The following PLA2G4F variants were observed in gnomAD, a reference collection of about 807,000 sequenced individuals.
PLA2G4F encodes cytosolic phospholipase A2 zeta.
In PLA2G4F, 105 loss-of-function variants were observed where a neutral mutation model predicts 103.1. That is an observed-to-expected ratio of 1.02 (90% confidence interval 0.87 to 1.20). PLA2G4F has a LOEUF of 1.20. Among genes scored for constraint, PLA2G4F ranks in the 50% most tolerant of loss-of-function variants. The pLI, the probability that PLA2G4F is intolerant of heterozygous loss-of-function variation, is 0.00. For synonymous variants in PLA2G4F, 468 were observed against 441.1 expected (o/e 1.06, Z -0.76); for missense variants, 1,155 against 1,075.9 (o/e 1.07, Z -1.03).
chr15:42,144,217 T>C (rs930185462), intron 17 of PLA2G4F, 73 bp from the exon 18 acceptor site: 42 of 1,508,796 alleles, frequency 2.8e-5, no homozygotes, highest in Non-Finnish European at 3.6e-5. Flanking sequence ...TGTATTTGCA[T>C]TCACGTTTGC....
In PLA2G4F at chr15:42,144,105, A is replaced by C. The variant is rs376799222; in HGVS notation, c.2015T>G (p.Met672Arg). 1 of 1,613,804 alleles carries C rather than the reference A, an allele frequency of 6.2e-7. No homozygotes were observed. Among genetic ancestry groups the C allele is most frequent in the Non-Finnish European group, 8.5e-7 (1 of 1,179,898 alleles). Residue 672 changes from methionine to arginine, a missense_variant, in exon 18 of 20, where the codon ATG becomes AGG. Physicochemically the swap from Met to Arg is moderately conservative, Grantham distance 91. This residue lies in a region of PLA2G4F where 782 missense variants were observed against 692.9 expected (regional missense o/e 1.13). Coordinates refer to ENST00000397272, the MANE Select transcript of PLA2G4F (RefSeq NM_213600.4). ...GTCCACCAGGTACAGGCAGTCCCGC[A>C]TGGGGGTGAGCTGGTTGGGGAAGGC... The part of the protein sequence containing the change: ...PDAFPNQLTP[M>R]RDCLYLVDGG...
chr15:42,142,435 A>T, intron 19 of PLA2G4F, 93 bp downstream of exon 19: 1 of 1,417,214 alleles, frequency 7.1e-7, no homozygotes, highest in Non-Finnish European at 9.6e-7. Flanking sequence ...AGGCGTGCTT[A>T]GTGACATTCT....
At position 42,146,908 on chromosome 15, in the gene PLA2G4F, G is replaced by A. The variant is rs970975677; in HGVS notation, c.1419+216C>T. 34 of 566,180 alleles carry A rather than the reference G, an allele frequency of 6.0e-5. No homozygotes were observed. In the African/African-American group the frequency reaches 6.4e-4, roughly 11 times the overall value. The allele number at this position is 566,180 out of a possible 1,614,324, so 35.1% of individuals were successfully genotyped here. ...GATTCTAATATGCACCCAGAGCTGA[G>A]CGCTGCGGACCAGGCTCCTCCTCCC... On this transcript the variant is annotated intron_variant, in intron 13 of 19. Transcript: ENST00000397272.
intron 19 of PLA2G4F, 22 bp from the exon 20 acceptor site, chr15:42,142,226 G>A (rs751026063): frequency 1.9e-6 from 3 of 1,592,302 alleles, no homozygotes; most frequent in Non-Finnish European, 2.6e-6. Context: ...GGAAGCAGAG[G>A]AGAGGCCAGG....
Position 42,152,721 on chromosome 15 carries a change from G to T in PLA2G4F, c.568C>A (p.Arg190=). ...HPCLRIQGTL[R]GDGTAPREEY... is the part of the protein sequence containing the mutation. Reference sequence around the variant, plus strand: ...TCCCGTGGGGCTGTCCCATCTCCCCGGAGCGTGCCCTGGATTCTCAGACAG... The same window carrying T: ...TCCCGTGGGGCTGTCCCATCTCCCCTGAGCGTGCCCTGGATTCTCAGACAG... The change falls in exon 7 of 20, where the codon CGG becomes AGG. Residue 190 remains arginine (R), a synonymous_variant. Transcript: ENST00000397272. 6.4e-7 allele frequency: 1 copy of T among 1,558,070 alleles called. No homozygotes were observed.
intron 7 of PLA2G4F, among the ~76,000 whole-genome samples, chr15:42,152,329 G>A (rs2048969086): frequency 6.6e-6 from 1 of 152,206 alleles, no homozygotes; most frequent in Admixed American, 6.5e-5. Context: ...AACATGCCCA[G>A]GCTAATGGGC....
At chr15:42,153,598 C>T (rs760119033) in intron 5 of PLA2G4F, 22 bp downstream of exon 5, 10 of 1,613,706 alleles carry the variant, frequency 6.2e-6, no homozygotes, top group African/African-American at 5.3e-5. Context: ...TCTCTGAGGG[C>T]GTTGGCTCTA....
At chr15:42,153,429 G>A (rs2048979795) in intron 5 of PLA2G4F, 87 bp from the exon 6 acceptor site, 34 of 1,539,248 alleles carry the variant, frequency 2.2e-5, no homozygotes, top group Non-Finnish European at 3.0e-5. Flanking sequence ...GCAGCGGGCA[G>A]AGCATGAGGA....
chr15:42,150,648 C>T lies in PLA2G4F; in HGVS notation c.731G>A (p.Arg244Lys). 6.2e-7 allele frequency: 1 copy of T among 1,613,592 alleles called. No homozygotes were observed. Among genetic ancestry groups the T allele is most frequent in the Non-Finnish European group, 8.5e-7 (1 of 1,179,794 alleles). ...CAGCTCCATCAGCTCCACGTGTAGC[C>T]TGGAGCTCAGCACTGGGTTCACGTG... Reference protein sequence around the residue: ...TFHVNPVLSSRLHVELMELLA... With the variant: ...TFHVNPVLSSKLHVELMELLA... The change falls in exon 8 of 20, where the codon AGG (arginine) becomes AAG (lysine). Residue 244 changes from arginine (R) to lysine (K), a missense_variant. By Grantham distance (26) the Arg-to-Lys change is conservative (BLOSUM62 2). Around this residue, in one of 3 missense-constraint regions of PLA2G4F, gnomAD observed 370 missense variants for 364.9 expected, o/e 1.01. Transcript: ENST00000397272.
Position 42,145,842 on chromosome 15 carries a change from G to A in PLA2G4F, c.1596C>T (p.Thr532=), listed in dbSNP as rs201066807. 1.1e-4 allele frequency: 178 copies of A among 1,614,126 alleles called. No homozygotes were observed. In the East Asian group the frequency reaches 1.5e-3, roughly 14 times the overall value. ...GFPKYGAYVP[T]ELFGSELFMG... ...TGAAGAGTTCTGAGCCGAAGAGCTCGGTGGGAACATAAGCCCCGTACTTGG... is the reference window on the plus strand; with the variant it reads ...TGAAGAGTTCTGAGCCGAAGAGCTCAGTGGGAACATAAGCCCCGTACTTGG... Residue 532 remains threonine, a synonymous_variant, in exon 15 of 20, where the codon ACC becomes ACT. Coordinates refer to ENST00000397272, the MANE Select transcript of PLA2G4F (RefSeq NM_213600.4).
At position 42,142,749 on chromosome 15, in the gene PLA2G4F, T is replaced by TCCACCCTGGCCACTCCCG; in HGVS notation, c.2143-53_2143-36dup. On this transcript the variant is annotated intron_variant, in intron 18 of 19. Coordinates refer to ENST00000397272, the MANE Select transcript of PLA2G4F (RefSeq NM_213600.4). ...AGCAAGCCTCTGACTCTGCCTTTCC[T>TCCACCCTGGCCACTCCCG]CCACCCTGGCCACTCCCGCCGCCCT... 3.7e-6 allele frequency: 6 copies of TCCACCCTGGCCACTCCCG among 1,610,960 alleles called. No individual in the cohort carries two copies. The South Asian group carries it at 6.6e-5, about 18-fold the overall frequency.
At position 42,149,868 on chromosome 15, in the gene PLA2G4F, G is replaced by C. The variant is rs772043175; in HGVS notation, c.924-20C>G. On this transcript the variant is annotated intron_variant, in intron 10 of 19. Coordinates refer to ENST00000397272, the MANE Select transcript of PLA2G4F (RefSeq NM_213600.4). ...CCGGAGCTGCCTCAAGTAGGGTGGGGTGGCGGTGGGGGGTTCTGGGTGACT... is the reference window on the plus strand; with the variant it reads ...CCGGAGCTGCCTCAAGTAGGGTGGGCTGGCGGTGGGGGGTTCTGGGTGACT... 7 of 1,613,224 alleles carry C rather than the reference G, an allele frequency of 4.3e-6. No homozygotes were observed. The highest frequency in any genetic ancestry group is 5.9e-6 in the Non-Finnish European group (7 of 1,179,178).
chr15:42,154,302 G>C lies in PLA2G4F; in HGVS notation c.321+20C>G. ...CTGAGGAGTTCCCCTCCCGCAGCCT[G>C]GCCCCTGGCTGGCCCTCACCTTCAC... On this transcript the variant is annotated intron_variant, in intron 3 of 19. Coordinates refer to ENST00000397272, the MANE Select transcript of PLA2G4F (RefSeq NM_213600.4). 1 of 1,609,096 alleles carries C rather than the reference G, an allele frequency of 6.2e-7. No homozygotes were observed. The highest frequency in any genetic ancestry group is 8.5e-7 in the Non-Finnish European group (1 of 1,176,302).
chr15:42,150,258 A>G, intron 9 of PLA2G4F, 115 bp downstream of exon 9: 1 of 1,548,504 alleles, frequency 6.5e-7, no homozygotes, highest in Non-Finnish European at 8.8e-7. Flanking sequence ...TGGACATCAT[A>G]ACTGACCTCT....
chr15:42,155,635 G>A (rs1290626891), intron 1 of PLA2G4F, 46 bp from the exon 2 acceptor site: 1 of 1,573,656 alleles, frequency 6.4e-7, no homozygotes, highest in Non-Finnish European at 8.7e-7. Context: ...GTGTGAGCCT[G>A]GTCCCTCGCC....
In PLA2G4F at chr15:42,153,395, C is replaced by T. The variant is rs570383489; in HGVS notation, c.492-53G>A. 733 of 1,582,338 alleles carry T rather than the reference C, an allele frequency of 4.6e-4. 4 individuals are homozygous for T. Among genetic ancestry groups the T allele is most frequent in the Middle Eastern group, 2.0e-3 (12 of 5,996 alleles). On this transcript the variant is annotated intron_variant, in intron 5 of 19. Transcript: ENST00000397272. Reference sequence around the variant, plus strand: ...ATACATCTGGCCCCATCATGATGGCCTCTACAATCATAATGTGACTGAAGC... The same window carrying T: ...ATACATCTGGCCCCATCATGATGGCTTCTACAATCATAATGTGACTGAAGC...
At position 42,145,864 on chromosome 15, in the gene PLA2G4F, T is replaced by C; in HGVS notation, c.1574A>G (p.Lys525Arg). The change falls in exon 15 of 20, where the codon AAG (lysine) becomes AGG (arginine). Residue 525 changes from lysine to arginine, a missense_variant. Around this residue, in one of 3 missense-constraint regions of PLA2G4F, gnomAD observed 782 missense variants for 692.9 expected, o/e 1.13. Coordinates refer to ENST00000397272, the MANE Select transcript of PLA2G4F (RefSeq NM_213600.4). ...CTCGGTGGGAACATAAGCCCCGTAC[T>C]TGGGGAAGCCAACCTCATAGGGCGT... is the stretch of plus-strand genomic sequence containing the variant. ...EFTPYEVGFPKYGAYVPTELF... is the reference protein window; with the variant it reads ...EFTPYEVGFPRYGAYVPTELF... 6.2e-7 allele frequency: 1 copy of C among 1,614,060 alleles called. No individual in the cohort carries two copies. Among genetic ancestry groups the C allele is most frequent in the Non-Finnish European group, 8.5e-7 (1 of 1,180,016 alleles).
At chr15:42,149,646 C>T (rs2048932362) in intron 11 of PLA2G4F, 67 bp downstream of exon 11, 60 of 1,594,298 alleles carry the variant, frequency 3.8e-5, no homozygotes, top group Admixed American at 6.9e-5. Flanking sequence ...CATGCTGGTC[C>T]TCTCAAGGGA....
chr15:42,148,486 G>T, intron 11 of PLA2G4F: 1 of 437,754 alleles, frequency 2.3e-6, no homozygotes, highest in Non-Finnish European at 3.0e-6. Flanking sequence ...AGCATTTCTG[G>T]CCCCCTCTAC....
Sources: allele counts gnomAD v4.1 joint callset (sites outside exome capture counted in the v4.1 genomes callset), GRCh38; gene constraint gnomAD v4.1.1; regional missense constraint gnomAD v4.1.1; transcripts MANE v1.5; gene names NCBI Gene and HGNC (gene_info 2026-07-23, HGNC 2026-07-21).